Variants in CHSY3 observed in about 807,000 individuals in gnomAD.
The protein encoded by CHSY3 is chondroitin sulfate synthase 3, also known as N-acetylgalactosaminyl-proteoglycan 3-beta-glucuronosyltransferase 3.
In CHSY3, 35 loss-of-function variants were observed where a neutral mutation model predicts 67.2. The observed-to-expected ratio is 0.52, with a 90% CI of 0.40 to 0.69. The LOEUF is 0.69. Among genes scored for constraint, CHSY3 ranks in the 30% least tolerant of loss-of-function variants. The pLI is 0.00. For missense variants in CHSY3, 1,069 were observed against 1,138.5 expected, an observed-to-expected ratio of 0.94 and a Z score of 0.88; for synonymous variants, 474 against 434.7, an observed-to-expected ratio of 1.09 and a Z score of -1.12.
intron 2 of CHSY3, among the ~76,000 whole-genome samples, chr5:129,991,205 A>G (rs909807845): frequency 6.6e-6 from 1 of 152,108 alleles, no homozygotes; most frequent in African/African-American, 2.4e-5. Context: ...TCTAGTGGCA[A>G]GGTGGGGAAT....
intron 2 of CHSY3, among the ~76,000 whole-genome samples, chr5:129,913,801 G>A (rs927512593): frequency 1.3e-5 from 2 of 152,050 alleles, no homozygotes; most frequent in Non-Finnish European, 2.9e-5. Context: ...ATATTTATCT[G>A]TAGTTTTAAA....
intron 2 of CHSY3, among the ~76,000 whole-genome samples, chr5:130,128,986 G>A (rs753534551): frequency 6.7e-6 from 1 of 149,866 alleles, no homozygotes; most frequent in African/African-American, 2.5e-5. Flanking sequence ...TCAATGTTAT[G>A]GCTATTGTAG....
chr5:130,039,560 A>T (rs1220834134), intron 2 of CHSY3, among the ~76,000 whole-genome samples: 2 of 152,124 alleles, frequency 1.3e-5, no homozygotes, highest in African/African-American at 4.8e-5. Flanking sequence ...CCCAGTTTGT[A>T]TAAACTTTTG....
At chr5:130,005,276 A>G (rs1382596003) in intron 2 of CHSY3, among the ~76,000 whole-genome samples, 1 of 151,902 alleles carries the variant, frequency 6.6e-6, no homozygotes, top group African/African-American at 2.4e-5. Flanking sequence ...TTAGCTGGGC[A>G]TGGTGGCATG....
At position 130,081,563 on chromosome 5, in the gene CHSY3, T is replaced by C. The variant is rs568359132; in HGVS notation, c.1087-102666T>C. Among the ~76,000 whole-genome samples, 16 of 152,160 alleles carry C rather than the reference T, an allele frequency of 1.1e-4. No homozygotes were observed. In the South Asian group the frequency reaches 2.9e-3, roughly 28 times the overall value. On this transcript the variant is annotated intron_variant, in intron 2 of 2. Coordinates refer to ENST00000305031, the MANE Select transcript of CHSY3 (RefSeq NM_175856.5). ...GTCCCCACCCAAATCCACTCCTGAA[T>C]TGTGGCTCCCATAATACCCACATGT...
At chr5:130,155,245 T>G (rs1236971942) in intron 2 of CHSY3, among the ~76,000 whole-genome samples, 1 of 152,208 alleles carries the variant, frequency 6.6e-6, no homozygotes, top group East Asian at 1.9e-4. Flanking sequence ...ACGTGGGACC[T>G]TTACATATTT....
intron 2 of CHSY3, among the ~76,000 whole-genome samples, chr5:129,989,923 A>G (rs2149629239): frequency 6.6e-6 from 1 of 152,310 alleles, no homozygotes; most frequent in East Asian, 1.9e-4. Flanking sequence ...CATACAAGCA[A>G]TATAGGTAAT....
intron 2 of CHSY3, among the ~76,000 whole-genome samples, chr5:130,059,430 C>T (rs1162500316): frequency 6.7e-6 from 1 of 150,296 alleles, no homozygotes; most frequent in African/African-American, 2.4e-5. Context: ...TCTCTTTCTT[C>T]CCCCTCTCCT....
At chr5:129,922,235 C>T (rs1370918142) in intron 2 of CHSY3, among the ~76,000 whole-genome samples, 1 of 152,204 alleles carries the variant, frequency 6.6e-6, no homozygotes, top group Non-Finnish European at 1.5e-5. Flanking sequence ...TGTTCATCCA[C>T]TGATGGATAC....
chr5:130,133,428 T>C (rs1768546192), intron 2 of CHSY3, among the ~76,000 whole-genome samples: 1 of 152,082 alleles, frequency 6.6e-6, no homozygotes, highest in Admixed American at 6.6e-5. Context: ...TACAATCTTT[T>C]TTATGTCCCT....
intron 2 of CHSY3, among the ~76,000 whole-genome samples, chr5:130,115,269 C>T (rs1040519231): frequency 1.3e-5 from 2 of 151,716 alleles, no homozygotes; most frequent in African/African-American, 4.8e-5. Flanking sequence ...ATACAGAGAA[C>T]ATAATCATCT....
At chr5:129,920,468 G>C (rs1378280171) in intron 2 of CHSY3, among the ~76,000 whole-genome samples, 1 of 152,100 alleles carries the variant, frequency 6.6e-6, no homozygotes, top group Non-Finnish European at 1.5e-5. Context: ...CTGGTCTTGA[G>C]CTCCTGATCT....
intron 2 of CHSY3, among the ~76,000 whole-genome samples, chr5:130,029,666 C>G (rs974853537): frequency 6.6e-6 from 1 of 152,118 alleles, no homozygotes; most frequent in East Asian, 1.9e-4. Flanking sequence ...TCTCAGCTAG[C>G]CCTCTTTTTT....
intron 2 of CHSY3, among the ~76,000 whole-genome samples, chr5:129,940,214 T>C (rs1181512420): frequency 6.6e-6 from 1 of 152,064 alleles, no homozygotes; most frequent in Non-Finnish European, 1.5e-5. Context: ...TCTAAGGGGA[T>C]ATGAGCAGGC....
chr5:129,980,884 G>A (rs1762960599), intron 2 of CHSY3, among the ~76,000 whole-genome samples: 1 of 152,030 alleles, frequency 6.6e-6, no homozygotes, highest in South Asian at 2.1e-4. Context: ...ATAAAACCAT[G>A]TTTGCTATAT....
intron 2 of CHSY3, among the ~76,000 whole-genome samples, chr5:130,170,505 G>T (rs186840498): frequency 6.6e-6 from 1 of 152,178 alleles, no homozygotes; most frequent in East Asian, 1.9e-4. Context: ...ACACCCAGTA[G>T]TAGGATTGCT....
intron 2 of CHSY3, among the ~76,000 whole-genome samples, chr5:130,040,749 C>A (rs753313798): frequency 2.6e-5 from 4 of 152,052 alleles, no homozygotes; most frequent in Non-Finnish European, 4.4e-5. Context: ...GAACAGTTTG[C>A]AGCCTATCTA....
At chr5:130,107,675 G>A (rs1767453034) in intron 2 of CHSY3, among the ~76,000 whole-genome samples, 1 of 151,510 alleles carries the variant, frequency 6.6e-6, no homozygotes, top group African/African-American at 2.4e-5. Flanking sequence ...TTATTGACAG[G>A]CCCTGGCAGG....
At chr5:129,921,390 C>T (rs750309810) in intron 2 of CHSY3, among the ~76,000 whole-genome samples, 3 of 152,142 alleles carry the variant, frequency 2.0e-5, no homozygotes, top group Admixed American at 2.0e-4. Flanking sequence ...TAGCAGGGAT[C>T]CACTAGATAA....
Sources: gnomAD v4.1 joint callset for allele counts (sites outside exome capture counted in the v4.1 genomes callset) on GRCh38, gnomAD v4.1.1 for gene constraint, MANE v1.5 for transcripts, NCBI Gene and HGNC (gene_info 2026-07-23, HGNC 2026-07-21) for gene names.